The following NEUROD4 variants were observed in gnomAD, a reference collection of about 807,000 sequenced individuals.
The protein encoded by NEUROD4 is neurogenic differentiation factor 4.
A neutral mutation model predicts 19.8 loss-of-function variants in NEUROD4; 16 were observed. The ratio of observed to expected loss-of-function variants is 0.81; its 90% confidence interval spans 0.55 to 1.23. NEUROD4 has a LOEUF of 1.23. Among genes scored for constraint, NEUROD4 ranks in the 50% most tolerant of loss-of-function variants. The pLI is 0.00. For synonymous variants in NEUROD4, 153 were observed against 147.9 expected (o/e 1.03, Z -0.25); for missense variants, 439 against 398.6 (o/e 1.10, Z -0.86).
rs911588051 is a variant in NEUROD4, at chr12:55,027,761, G to A, written c.*326G>A. 16 of 251,668 alleles carry A rather than the reference G, an allele frequency of 6.4e-5. No homozygotes were observed. The highest frequency in any genetic ancestry group is 3.6e-4 in the African/African-American group (16 of 44,408). The allele number at this position is 251,668 out of a possible 1,614,324, so 15.6% of individuals were successfully genotyped here. On this transcript the variant is annotated 3_prime_UTR_variant, in exon 2 of 2. Coordinates refer to ENST00000242994, the MANE Select transcript of NEUROD4 (RefSeq NM_021191.3). ...AATTAATTTTCCATTTCTGGCCTTT[G>A]TTTATTTACTAGCAATTGTAAATAA...
In NEUROD4 at chr12:55,026,816, T is replaced by C. The variant is rs546429871; in HGVS notation, c.377T>C (p.Ile126Thr). ...CYSKTQKLSK[I>T]ETLRLARNYI... Reference sequence around the variant, plus strand: ...TCTAAAACCCAAAAACTTTCCAAGATAGAGACTCTTAGACTGGCCAGGAAC... The same window carrying C: ...TCTAAAACCCAAAAACTTTCCAAGACAGAGACTCTTAGACTGGCCAGGAAC... The change falls in exon 2 of 2, where the codon ATA becomes ACA. Residue 126 changes from isoleucine (I) to threonine (T), a missense_variant. Ile to Thr is a moderately conservative substitution (Grantham distance 89). Transcript: ENST00000242994. 1.2e-6 allele frequency: 2 copies of C among 1,614,066 alleles called. No individual in the cohort carries two copies. Among genetic ancestry groups the C allele is most frequent in the Non-Finnish European group, 1.7e-6 (2 of 1,179,984 alleles).
intron 1 of NEUROD4, among the ~76,000 whole-genome samples, chr12:55,021,629 C>A (rs1423170006): frequency 6.6e-6 from 1 of 152,168 alleles, no homozygotes; most frequent in East Asian, 1.9e-4. Flanking sequence ...TCAGTAGTAA[C>A]AATCATTGCC....
At chr12:55,026,368 A>T (rs1229212873) in intron 1 of NEUROD4, 63 bp from the exon 2 acceptor site, 1 of 1,406,490 alleles carries the variant, frequency 7.1e-7, no homozygotes, top group Non-Finnish European at 9.6e-7. Flanking sequence ...CATATAAAAA[A>T]CTTTAGTTTC....
chr12:55,027,200 C>T lies in NEUROD4; in HGVS notation c.761C>T (p.Thr254Ile). The part of the protein sequence containing the change: ...CSTPPYEGPL[T>I]PPLSISGNFS... ...ACACCCCCTTATGAGGGCCCACTCA[C>T]TCCACCCCTGAGCATCAGTGGGAAC... The change falls in exon 2 of 2, where the codon ACT becomes ATT. Residue 254 changes from threonine (T) to isoleucine (I), a missense_variant. Physicochemically the swap from Thr to Ile is moderately conservative, Grantham distance 89. Coordinates refer to ENST00000242994, the MANE Select transcript of NEUROD4 (RefSeq NM_021191.3). The T allele has an allele frequency of 1.2e-6, 2 of 1,614,140 alleles. No individual in the cohort carries two copies. The highest frequency in any genetic ancestry group is 1.7e-6 in the Non-Finnish European group (2 of 1,180,018).
intron 1 of NEUROD4, among the ~76,000 whole-genome samples, chr12:55,021,344 T>C (rs1426537143): frequency 6.6e-6 from 1 of 152,206 alleles, no homozygotes; most frequent in Admixed American, 6.5e-5. Context: ...AAGAATTTAG[T>C]CTATTTAGTT....
intron 1 of NEUROD4, among the ~76,000 whole-genome samples, chr12:55,026,138 T>C (rs1415124131): frequency 1.3e-5 from 2 of 152,186 alleles, no homozygotes; most frequent in Non-Finnish European, 2.9e-5. Context: ...AAGAAAAATA[T>C]ATCTTTGGAC....
chr12:55,022,879 A>T (rs1952684059), intron 1 of NEUROD4, among the ~76,000 whole-genome samples: 1 of 152,086 alleles, frequency 6.6e-6, no homozygotes. Flanking sequence ...GCTTTTGTTG[A>T]TGCAAAATCA....
chr12:55,026,752 G>A lies in NEUROD4; in HGVS notation c.313G>A (p.Asp105Asn). The change falls in exon 2 of 2, where the codon GAC becomes AAC. Residue 105 changes from aspartate (D) to asparagine (N), a missense_variant. Physicochemically the swap from Asp to Asn is conservative, Grantham distance 23. Coordinates refer to ENST00000242994, the MANE Select transcript of NEUROD4 (RefSeq NM_021191.3). ...RERTRMHGLN[D>N]ALDNLRRVMP... is the part of the protein sequence containing the mutation. ...ACGGACCCGGATGCATGGCCTGAAT[G>A]ACGCCCTGGATAACCTGAGGCGAGT... is the stretch of plus-strand genomic sequence containing the variant. 1 of 1,614,158 alleles carries A rather than the reference G, an allele frequency of 6.2e-7. No homozygotes were observed. The highest frequency in any genetic ancestry group is 1.7e-5 in the Admixed American group (1 of 60,026).
chr12:55,027,522 G>A lies in NEUROD4; in HGVS notation c.*87G>A. On this transcript the variant is annotated 3_prime_UTR_variant, in exon 2 of 2. Transcript: ENST00000242994. ...GAGCTAAAGATTCAATGACCTTAAA[G>A]GATCCCTATGGATATATATCAAACA... 8.3e-7 allele frequency: 1 copy of A among 1,208,102 alleles called. No homozygotes were observed. The highest frequency in any genetic ancestry group is 1.2e-6 in the Non-Finnish European group (1 of 852,790). The allele number at this position is 1,208,102 out of a possible 1,614,324, so 74.8% of individuals were successfully genotyped here.
intron 1 of NEUROD4, among the ~76,000 whole-genome samples, chr12:55,021,042 A>T (rs753266427): frequency 8.5e-5 from 13 of 152,222 alleles, no homozygotes; most frequent in Non-Finnish European, 1.8e-4. Flanking sequence ...CAGAGGAAGC[A>T]GAGGTGAAAT....
rs753188778 is a variant in NEUROD4 at position 55,026,811 on chromosome 12, C to G, written c.372C>G (p.Ser124=). The G allele has an allele frequency of 1.2e-6, 2 of 1,614,116 alleles. No individual in the cohort carries two copies. Among genetic ancestry groups the G allele is most frequent in the Admixed American group, 3.3e-5 (2 of 60,010 alleles). The change falls in exon 2 of 2, where the codon TCC becomes TCG. Residue 124 remains serine (S), a synonymous_variant. Transcript: ENST00000242994. ...MPCYSKTQKL[S]KIETLRLARN... ...GCTACTCTAAAACCCAAAAACTTTC[C>G]AAGATAGAGACTCTTAGACTGGCCA... is the stretch of plus-strand genomic sequence containing the variant.
chr12:55,021,469 C>T (rs1952672988), intron 1 of NEUROD4, among the ~76,000 whole-genome samples: 1 of 152,162 alleles, frequency 6.6e-6, no homozygotes, highest in Non-Finnish European at 1.5e-5. Context: ...CATCTAACTA[C>T]CACAAATCCA....
rs1952734105 is a variant in NEUROD4 at position 55,026,637 on chromosome 12, A to G, written c.198A>G (p.Lys66=). Residue 66 remains lysine (K), a synonymous_variant, in exon 2 of 2, where the codon AAA becomes AAG. Transcript: ENST00000242994. ...EEEEEEEDGE[K]PKRRGPKKKK... The stretch of plus-strand genomic sequence containing the variant: ...AAGAAGAGGAAGAAGATGGGGAGAA[A>G]CCTAAGAGAAGGGGTCCCAAGAAAA... 3.1e-6 allele frequency: 5 copies of G among 1,613,864 alleles called. No homozygotes were observed. Among genetic ancestry groups the G allele is most frequent in the Non-Finnish European group, 4.2e-6 (5 of 1,179,870 alleles).
Position 55,026,449 on chromosome 12 carries a change from AC to A in NEUROD4, c.11del (p.Thr4IlefsTer3), listed in dbSNP as rs774450269. On this transcript the variant is annotated frameshift_variant, in exon 2 of 2. Transcript: ENST00000242994. LOFTEE classifies it high-confidence loss of function. ...TTTCCAGAGTCTGGAAATGTCAAAA[AC>A]TTTTGTAAAATCCAAGGAGATGGGA... MSK[T>X]FVKSKEMGEL... The A allele has an allele frequency of 1.4e-5, 22 of 1,601,674 alleles. No homozygotes were observed. The highest frequency in any genetic ancestry group is 3.5e-5 in the Admixed American group (2 of 57,734).
At chr12:55,021,290 T>G (rs1317296113) in intron 1 of NEUROD4, among the ~76,000 whole-genome samples, 2 of 152,214 alleles carry the variant, frequency 1.3e-5, no homozygotes, top group Admixed American at 1.3e-4. Context: ...ACATCCTGAT[T>G]TGGATTCTGT....
Position 55,027,546 on chromosome 12 carries a change from C to A in NEUROD4, c.*111C>A. ...AGGATCCCTATGGATATATATCAAACAATAGTTCAAGTCCATTTAGGCTTT... is the reference window on the plus strand; with the variant it reads ...AGGATCCCTATGGATATATATCAAAAAATAGTTCAAGTCCATTTAGGCTTT... On this transcript the variant is annotated 3_prime_UTR_variant, in exon 2 of 2. Coordinates refer to ENST00000242994, the MANE Select transcript of NEUROD4 (RefSeq NM_021191.3). The A allele has an allele frequency of 5.8e-6, 6 of 1,028,082 alleles. No individual in the cohort carries two copies. Among genetic ancestry groups the A allele is most frequent in the Non-Finnish European group, 8.7e-6 (6 of 693,596 alleles). 63.7% of individuals were successfully genotyped at this position (1,028,082 alleles called of 1,614,324 possible). A position where few individuals can be genotyped will look rare whatever the true frequency, so the allele number is the denominator to read the frequency against.
chr12:55,021,177 T>A (rs1317140853), intron 1 of NEUROD4, among the ~76,000 whole-genome samples: 1 of 152,144 alleles, frequency 6.6e-6, no homozygotes, highest in South Asian at 2.1e-4. Context: ...TGTGCATGCA[T>A]GTACATACAT....
Position 55,029,490 on chromosome 12 carries a change from ATTAT to A in NEUROD4, c.*2063_*2066del. 6.0e-6 allele frequency: 1 copy of A among 167,060 alleles called. No individual in the cohort carries two copies. The allele number at this position is 167,060 out of a possible 1,614,324, so 10.3% of individuals were successfully genotyped here. On this transcript the variant is annotated 3_prime_UTR_variant, in exon 2 of 2. Coordinates refer to ENST00000242994, the MANE Select transcript of NEUROD4 (RefSeq NM_021191.3). ...CTGTTGTTTGAGTTATTTATTAGAT[ATTAT>A]TTATTTAATTTATTTCTCTCTTCCT...
At chr12:55,021,348 T>C (rs951378240) in intron 1 of NEUROD4, among the ~76,000 whole-genome samples, 4 of 152,210 alleles carry the variant, frequency 2.6e-5, no homozygotes, top group African/African-American at 9.7e-5. Flanking sequence ...ATTTAGTCTA[T>C]TTAGTTCTTA....
Sources: gnomAD v4.1 joint callset for allele counts (sites outside exome capture counted in the v4.1 genomes callset) on GRCh38, gnomAD v4.1.1 for gene constraint, MANE v1.5 for transcripts, NCBI Gene and HGNC (gene_info 2026-07-23, HGNC 2026-07-21) for gene names.